Variants in VPS11 observed in about 807,000 individuals in gnomAD.
The protein encoded by VPS11 is VPS11 core subunit of CORVET and HOPS complexes, also known as vacuolar protein sorting-associated protein 11 homolog.
In VPS11, 51 loss-of-function variants were observed where a neutral mutation model predicts 106.8. That is an observed-to-expected ratio of 0.48 (90% CI 0.38 to 0.60). The LOEUF (loss-of-function observed/expected upper bound fraction) is 0.60. Among genes scored for constraint, VPS11 ranks in the 20% least tolerant of loss-of-function variants. The pLI, the probability that VPS11 is intolerant of heterozygous loss-of-function variation, is 0.00. For missense variants in VPS11, 950 were observed against 1,190.0 expected (o/e 0.80, Z 2.97); for synonymous variants, 453 against 458.7 (o/e 0.99, Z 0.16).
chr11:119,069,999 A>AATATAAATAAATAAATAAAT (rs1945309259), intron 3 of VPS11, among the ~76,000 whole-genome samples: 1 of 141,708 alleles, frequency 7.1e-6, no homozygotes, highest in African/African-American at 2.6e-5. Context: ...ACTCTGTCTC[A>AATATAAATAAATAAATAAAT]AAATAAATAA....
intron 7 of VPS11, among the ~76,000 whole-genome samples, chr11:119,075,517 C>A (rs1945572227): frequency 6.9e-6 from 1 of 143,996 alleles, no homozygotes. Flanking sequence ...CCAGCCTGGC[C>A]AACATGGTGA....
rs1945759557 is a variant in VPS11 at position 119,079,264 on chromosome 11, C to T, written c.2402C>T (p.Thr801Ile). 1.9e-6 allele frequency: 3 copies of T among 1,602,346 alleles called. No individual in the cohort carries two copies. In the South Asian group the frequency reaches 3.4e-5, roughly 18 times the overall value. ...GTGCGGCGGTACCGAGAGGAGACCA[C>T]CCGTATCCGCCAGGAGATCCAAGAG... ...LRVRRYREET[T>I]RIRQEIQELK... Residue 801 changes from threonine (T) to isoleucine (I), a missense_variant, in exon 14 of 16, where the codon ACC (threonine) becomes ATC (isoleucine). Thr to Ile is a moderately conservative substitution (Grantham distance 89, BLOSUM62 -1). Around this residue, in one of 3 missense-constraint regions of VPS11, gnomAD observed 453 missense variants for 514.6 expected, o/e 0.88. Transcript: ENST00000621676.
rs781880978 is a variant in VPS11, at chr11:119,071,854, A to G, written c.884+11A>G. On this transcript the variant is annotated intron_variant, in intron 5 of 15. Coordinates refer to ENST00000621676, the MANE Select transcript of VPS11 (RefSeq NM_021729.6). The stretch of plus-strand genomic sequence containing the variant: ...GAAGGTTTCTCCCAAGTAAGGACTC[A>G]GTGAGAAGGGACAGGGAGAGGGCTG... 1.9e-6 allele frequency: 3 copies of G among 1,609,372 alleles called. No individual in the cohort carries two copies. The highest frequency in any genetic ancestry group is 2.6e-6 in the Non-Finnish European group (3 of 1,176,212).
At chr11:119,073,472 T>C in intron 6 of VPS11, 73 bp downstream of exon 6, 1 of 1,543,356 alleles carries the variant, frequency 6.5e-7, no homozygotes, top group East Asian at 2.3e-5. Flanking sequence ...CCCCAAGTCA[T>C]ATTGGCCAGG....
At position 119,076,750 on chromosome 11, in the gene VPS11, C is replaced by T; in HGVS notation, c.1239-147C>T. On this transcript the variant is annotated intron_variant, in intron 7 of 15. Coordinates refer to ENST00000621676, the MANE Select transcript of VPS11 (RefSeq NM_021729.6). ...CTAGTAGCACCGATATTACCTGGGACTTTGTTAGAAATGTAGAATCTCAGG... is the reference window on the plus strand; with the variant it reads ...CTAGTAGCACCGATATTACCTGGGATTTTGTTAGAAATGTAGAATCTCAGG... 7 of 948,216 alleles carry T rather than the reference C, an allele frequency of 7.4e-6. No homozygotes were observed. In the South Asian group the frequency reaches 1.1e-4, roughly 15 times the overall value. The allele number at this position is 948,216 out of a possible 1,614,324, so 58.7% of individuals were successfully genotyped here. A position where few individuals can be genotyped will look rare whatever the true frequency, so the allele number is the denominator to read the frequency against.
intron 3 of VPS11, 90 bp downstream of exon 3, chr11:119,069,667 A>C: frequency 2.6e-6 from 4 of 1,566,262 alleles, no homozygotes; most frequent in Non-Finnish European, 3.5e-6. Context: ...TTTTCAGGAG[A>C]CCACTTTGTA....
chr11:119,076,921 C>T lies in VPS11; in HGVS notation c.1263C>T (p.Ser421=). ...GAACCATTGGAAAGTTGGAGCCATC[C>T]TACGTGATCCGCAAGTTTCTGGATG... The part of the protein sequence containing the change: ...YIRTIGKLEP[S]YVIRKFLDAQ... The change falls in exon 8 of 16, where the codon TCC becomes TCT. Residue 421 remains serine, a synonymous_variant. Coordinates refer to ENST00000621676, the MANE Select transcript of VPS11 (RefSeq NM_021729.6). 4 of 1,614,018 alleles carry T rather than the reference C, an allele frequency of 2.5e-6. No individual in the cohort carries two copies. The highest frequency in any genetic ancestry group is 3.4e-6 in the Non-Finnish European group (4 of 1,179,902).
In VPS11 at chr11:119,081,136, C is replaced by T. The variant is rs782428902; in HGVS notation, c.2483C>T (p.Ala828Val). ...ACCAAGTGCAGCATCTGTAACAGTG[C>T]CTTGGAGTTGCCCTCAGTCCACTTC... ...QKTKCSICNS[A>V]LELPSVHFLC... is the part of the protein sequence containing the mutation. Residue 828 changes from alanine to valine, a missense_variant, in exon 15 of 16, where the codon GCC becomes GTC. Ala to Val is a moderately conservative substitution (Grantham distance 64). Coordinates refer to ENST00000621676, the MANE Select transcript of VPS11 (RefSeq NM_021729.6). The T allele has an allele frequency of 1.5e-5, 25 of 1,614,048 alleles. No individual in the cohort carries two copies. The highest frequency in any genetic ancestry group is 1.9e-5 in the Non-Finnish European group (22 of 1,179,904).
chr11:119,071,965 G>T, intron 5 of VPS11, 122 bp downstream of exon 5: 4 of 1,340,738 alleles, frequency 3.0e-6, no homozygotes, highest in Non-Finnish European at 3.0e-6. Flanking sequence ...TGTTATGTAG[G>T]TAACATTTCT....
At chr11:119,071,155 C>A (rs1945373368) in intron 4 of VPS11, among the ~76,000 whole-genome samples, 1 of 152,052 alleles carries the variant, frequency 6.6e-6, no homozygotes, top group East Asian at 1.9e-4. Flanking sequence ...ATCTCGAACT[C>A]CTGGGCCCAA....
intron 14 of VPS11, 89 bp from the exon 15 acceptor site, chr11:119,081,003 C>A: frequency 8.3e-7 from 1 of 1,208,216 alleles, no homozygotes; most frequent in Non-Finnish European, 1.2e-6. Context: ...GGACCTTGCC[C>A]TGTGCACTTC....
intron 7 of VPS11, among the ~76,000 whole-genome samples, 195 bp downstream of exon 7, chr11:119,074,146 C>T (rs1007382519): frequency 3.3e-5 from 5 of 151,710 alleles, no homozygotes; most frequent in African/African-American, 9.7e-5. Context: ...AGTGCAATGG[C>T]GCGATCTCGA....
Position 119,076,961 on chromosome 11 carries a change from A to T in VPS11, c.1303A>T (p.Asn435Tyr). 1 of 1,614,010 alleles carries T rather than the reference A, an allele frequency of 6.2e-7. No homozygotes were observed. Among genetic ancestry groups the T allele is most frequent in the Non-Finnish European group, 8.5e-7 (1 of 1,179,890 alleles). ...RKFLDAQRIHNLTAYLQTLHR... is the reference protein window; with the variant it reads ...RKFLDAQRIHYLTAYLQTLHR... ...GTTTCTGGATGCCCAGCGCATTCAC[A>T]ACCTGACTGCCTACCTGCAGACCCT... Residue 435 changes from asparagine to tyrosine, a missense_variant, in exon 8 of 16, where the codon AAC (asparagine) becomes TAC (tyrosine). By Grantham distance (143) the Asn-to-Tyr change is moderately radical. Around this residue, in one of 3 missense-constraint regions of VPS11, gnomAD observed 435 missense variants for 630.2 expected, o/e 0.69. Coordinates refer to ENST00000621676, the MANE Select transcript of VPS11 (RefSeq NM_021729.6).
rs1210750085 is a variant in VPS11, at chr11:119,078,277, C to T, written c.1866C>T (p.Ile622=). 3 of 1,613,320 alleles carry T rather than the reference C, an allele frequency of 1.9e-6. No individual in the cohort carries two copies. The highest frequency in any genetic ancestry group is 2.5e-6 in the Non-Finnish European group (3 of 1,179,900). Residue 622 remains isoleucine, a synonymous_variant, in exon 11 of 16, where the codon ATC becomes ATT. Coordinates refer to ENST00000621676, the MANE Select transcript of VPS11 (RefSeq NM_021729.6). ...TGCAGCCAGACTCACCCCAGGGGAT[C>T]TACGACACACTCCTTGAGCTGCGAC... ...SEVQPDSPQG[I]YDTLLELRLQ...
rs989248611 is a variant in VPS11 at position 119,081,246 on chromosome 11, C to T, written c.2593C>T (p.Arg865Trp). The change falls in exon 15 of 16, where the codon CGG becomes TGG. Residue 865 changes from arginine to tryptophan, a missense_variant. Around this residue, in one of 3 missense-constraint regions of VPS11, gnomAD observed 453 missense variants for 514.6 expected, o/e 0.88. Transcript: ENST00000621676. Reference protein sequence around the residue: ...ADCPTCLPENRKVMDMIRAQE... With the variant: ...ADCPTCLPENWKVMDMIRAQE... ...CTGCCCCACCTGCCTCCCTGAAAAC[C>T]GGAAGGTCATGGATATGATCCGGGC... 1.7e-5 allele frequency: 28 copies of T among 1,613,890 alleles called. No individual in the cohort carries two copies. The highest frequency in any genetic ancestry group is 4.0e-5 in the African/African-American group (3 of 74,924).
intron 14 of VPS11, 89 bp downstream of exon 14, chr11:119,079,389 C>G: frequency 7.1e-7 from 1 of 1,409,616 alleles, no homozygotes; most frequent in Non-Finnish European, 9.4e-7. Context: ...GTAGAGGATA[C>G]TATGGAGTGC....
chr11:119,068,838 G>A (rs1009458743), intron 1 of VPS11, among the ~76,000 whole-genome samples: 8 of 151,760 alleles, frequency 5.3e-5, no homozygotes, highest in Admixed American at 2.6e-4. Flanking sequence ...TGCAACCTCC[G>A]CCTCCCGGGT....
In VPS11 at chr11:119,073,515, C is replaced by T. The variant is rs147244227; in HGVS notation, c.1086+116C>T. 234 of 1,297,576 alleles carry T rather than the reference C, an allele frequency of 1.8e-4. No individual in the cohort carries two copies. In the African/African-American group the frequency reaches 3.3e-3, roughly 18 times the overall value. 80.4% of individuals were successfully genotyped at this position (1,297,576 alleles called of 1,614,324 possible). A position where few individuals can be genotyped will look rare whatever the true frequency, so the allele number is the denominator to read the frequency against. Reference sequence around the variant, plus strand: ...CCTCCTTGTGGGTCACAGCCTTACTCAGCTTCCTTAGGGTAGGATTATAAG... The same window carrying T: ...CCTCCTTGTGGGTCACAGCCTTACTTAGCTTCCTTAGGGTAGGATTATAAG... On this transcript the variant is annotated intron_variant, in intron 6 of 15. Coordinates refer to ENST00000621676, the MANE Select transcript of VPS11 (RefSeq NM_021729.6).
chr11:119,079,008 AGACAGATGGGTGGGTGACAAGCTGCT>A lies in VPS11; in HGVS notation c.2266+17_2266+42del. 6.2e-7 allele frequency: 1 copy of A among 1,613,896 alleles called. No homozygotes were observed. Among genetic ancestry groups the A allele is most frequent in the Non-Finnish European group, 8.5e-7 (1 of 1,179,762 alleles). Reference sequence around the variant, plus strand: ...TGCCACCTCTTCTAGGTACTTGGGAAGACAGATGGGTGGGTGACAAGCTGCTGACAGCTGGGCTCTGTGGCAGGGGC... The same window carrying A: ...TGCCACCTCTTCTAGGTACTTGGGAAGACAGCTGGGCTCTGTGGCAGGGGC... On this transcript the variant is annotated intron_variant, in intron 13 of 15. Transcript: ENST00000621676.
Sources: gnomAD v4.1 joint callset for allele counts (sites outside exome capture counted in the v4.1 genomes callset) on GRCh38, gnomAD v4.1.1 for gene constraint, gnomAD v4.1.1 regional missense constraint, MANE v1.5 for transcripts, NCBI Gene and HGNC (gene_info 2026-07-23, HGNC 2026-07-21) for gene names.